Variants in PCDH9 observed in about 807,000 individuals in gnomAD.
PCDH9 encodes protocadherin-9.
PCDH9 carries 24 observed loss-of-function variants against 70.6 expected under a neutral mutation model. The observed-to-expected ratio is 0.34, with a 90% CI of 0.25 to 0.48. The LOEUF (loss-of-function observed/expected upper bound fraction) is 0.48. PCDH9 is among the 20% of genes least tolerant of loss of function. The pLI is 0.99. For missense variants in PCDH9, 1,281 were observed against 1,503.6 expected (o/e 0.85, Z 2.45); for synonymous variants, 562 against 558.5 (o/e 1.01, Z -0.09).
intron 2 of PCDH9, among the ~76,000 whole-genome samples, chr13:66,904,767 C>T (rs1302527435): frequency 2.0e-5 from 3 of 151,716 alleles, no homozygotes; most frequent in African/African-American, 4.8e-5. Context: ...CATTTCAAGA[C>T]CATCATTTTA....
chr13:66,461,880 A>G lies in PCDH9; in HGVS notation c.3341-156852T>C, dbSNP rs1337781171. ...TATATTGGATTATTATCTATCATACAAATGAATAGATGTTAATGTCAAAAT... is the reference window on the plus strand; with the variant it reads ...TATATTGGATTATTATCTATCATACGAATGAATAGATGTTAATGTCAAAAT... On this transcript the variant is annotated intron_variant, in intron 4 of 4. Transcript: ENST00000377865. 2.6e-5 allele frequency among the ~76,000 whole-genome samples: 4 copies of G among 151,968 alleles called. No homozygotes were observed. In the East Asian group the frequency reaches 7.7e-4, roughly 29 times the overall value.
intron 3 of PCDH9, among the ~76,000 whole-genome samples, chr13:66,674,360 G>T (rs2078215513): frequency 2.0e-5 from 3 of 151,950 alleles, no homozygotes; most frequent in South Asian, 4.1e-4. Context: ...AAACTGAAAA[G>T]AACAATTTAT....
chr13:67,131,692 T>C (rs1164650393), intron 2 of PCDH9, among the ~76,000 whole-genome samples: 1 of 152,148 alleles, frequency 6.6e-6, no homozygotes, highest in Non-Finnish European at 1.5e-5. Flanking sequence ...AAATAGCATA[T>C]CAAAGAAACT....
At chr13:66,752,974 C>G (rs2079483986) in intron 3 of PCDH9, among the ~76,000 whole-genome samples, 1 of 152,090 alleles carries the variant, frequency 6.6e-6, no homozygotes, top group Non-Finnish European at 1.5e-5. Flanking sequence ...AAGGAGTTCT[C>G]AAGTAGGCAA....
chr13:66,729,422 A>T (rs9317607), intron 3 of PCDH9, among the ~76,000 whole-genome samples: 1 of 152,022 alleles, frequency 6.6e-6, no homozygotes, highest in African/African-American at 2.4e-5. Context: ...TTAAAAATTC[A>T]TATATTTTGC....
At position 66,573,205 on chromosome 13, in the gene PCDH9, A is replaced by G. The variant is rs181226153; in HGVS notation, c.3340+58005T>C. Among the ~76,000 whole-genome samples the G allele has an allele frequency of 8.9e-3, 1,286 of 145,164 alleles. 12 individuals are homozygous for G. The highest frequency in any genetic ancestry group is 0.014 in the Non-Finnish European group (929 of 66,104). On this transcript the variant is annotated intron_variant, in intron 4 of 4. Transcript: ENST00000377865. ...TAGTGATGCTGAACATTTTTTTCAT[A>G]TACTTTTTGGCTATTTGTATGTCTC...
chr13:66,809,243 A>C (rs2080461126), intron 3 of PCDH9, among the ~76,000 whole-genome samples: 1 of 152,144 alleles, frequency 6.6e-6, no homozygotes, highest in Non-Finnish European at 1.5e-5. Context: ...CCACCGCGCC[A>C]GGCCTTTTAA....
intron 4 of PCDH9, among the ~76,000 whole-genome samples, chr13:66,567,961 G>A (rs572963826): frequency 6.6e-6 from 1 of 152,160 alleles, no homozygotes; most frequent in African/African-American, 2.4e-5. Flanking sequence ...TGCATCCTAA[G>A]CCTAAATAAT....
chr13:66,583,537 C>T (rs1452940920), intron 4 of PCDH9, among the ~76,000 whole-genome samples: 1 of 151,646 alleles, frequency 6.6e-6, no homozygotes, highest in South Asian at 2.1e-4. Context: ...ACTTGAATTC[C>T]GGCGGGGCGG....
chr13:67,152,717 G>T (rs575236797), intron 2 of PCDH9, among the ~76,000 whole-genome samples: 1 of 148,108 alleles, frequency 6.8e-6, no homozygotes, highest in Non-Finnish European at 1.5e-5. Flanking sequence ...AAAGAGTAAA[G>T]CCTCTTGATT....
At chr13:67,200,279 A>G (rs1456963836) in intron 2 of PCDH9, among the ~76,000 whole-genome samples, 2 of 152,028 alleles carry the variant, frequency 1.3e-5, no homozygotes, top group African/African-American at 4.8e-5. Flanking sequence ...TGTTGTAGGG[A>G]ATCAAAATAT....
intron 3 of PCDH9, among the ~76,000 whole-genome samples, chr13:66,664,305 T>G (rs1231131361): frequency 5.3e-5 from 8 of 152,332 alleles, no homozygotes; most frequent in African/African-American, 1.7e-4. Context: ...TTCCTTAAAA[T>G]AGCTTATAGC....
intron 4 of PCDH9, among the ~76,000 whole-genome samples, chr13:66,423,560 G>T (rs1038626536): frequency 2.0e-5 from 3 of 152,016 alleles, no homozygotes; most frequent in Non-Finnish European, 4.4e-5. Context: ...CACATAAACA[G>T]AACCAATGAC....
At chr13:66,368,554 TA>T (rs1430191609) in intron 4 of PCDH9, among the ~76,000 whole-genome samples, 3 of 151,824 alleles carry the variant, frequency 2.0e-5, no homozygotes, top group South Asian at 2.1e-4. Flanking sequence ...CATTCTATTT[TA>T]TATATATGTA....
chr13:66,414,669 C>A (rs549180304), intron 4 of PCDH9, among the ~76,000 whole-genome samples: 2 of 152,070 alleles, frequency 1.3e-5, no homozygotes, highest in Admixed American at 6.5e-5. Context: ...GCTGAAAATG[C>A]GGAACATATG....
chr13:66,845,316 G>A lies in PCDH9; in HGVS notation c.3138+58188C>T, dbSNP rs1267739179. ...AAGTCCAGAGGGGGCTGAGGCAGCA[G>A]GGAGCTGGCATCTCAGCGCTGCCGT... is the stretch of plus-strand genomic sequence containing the variant. On this transcript the variant is annotated intron_variant, in intron 3 of 4. Transcript: ENST00000377865. Among the ~76,000 whole-genome samples, 4 of 152,350 alleles carry A rather than the reference G, an allele frequency of 2.6e-5. 1 individual carries two copies. The East Asian group carries it at 7.7e-4, about 29-fold the overall frequency.
At chr13:66,343,236 T>A (rs1956160505) in intron 4 of PCDH9, among the ~76,000 whole-genome samples, 1 of 152,170 alleles carries the variant, frequency 6.6e-6, no homozygotes, top group Non-Finnish European at 1.5e-5. Context: ...CCAAATTGAG[T>A]GGCTTAAGAA....
chr13:66,858,346 G>A (rs375208882), intron 3 of PCDH9, among the ~76,000 whole-genome samples: 4 of 151,914 alleles, frequency 2.6e-5, no homozygotes, highest in Admixed American at 1.3e-4. Flanking sequence ...CTTAAATTAC[G>A]TCATTGTTCT....
chr13:67,083,878 T>C (rs1342858479), intron 2 of PCDH9, among the ~76,000 whole-genome samples: 3 of 152,196 alleles, frequency 2.0e-5, no homozygotes, highest in African/African-American at 7.2e-5. Context: ...CAGTGTGTTT[T>C]AATTTTCCAG....
Sources: gnomAD v4.1 joint callset for allele counts (sites outside exome capture counted in the v4.1 genomes callset) on GRCh38, gnomAD v4.1.1 for gene constraint, MANE v1.5 for transcripts, NCBI Gene and HGNC (gene_info 2026-07-23, HGNC 2026-07-21) for gene names.